Variants in MAX observed in about 807,000 individuals in gnomAD.
The protein encoded by MAX is MYC associated transcriptional regulator X, also known as protein max.
A neutral mutation model predicts 22.3 loss-of-function variants in MAX; 3 were observed. That is an observed-to-expected ratio of 0.13 (90% CI 0.06 to 0.35). The LOEUF (loss-of-function observed/expected upper bound fraction) is 0.35. Among genes scored for constraint, MAX ranks in the 10% least tolerant of loss-of-function variants. The pLI is 1.00. For missense variants in MAX, 119 were observed against 209.4 expected, an observed-to-expected ratio of 0.57 and a Z score of 2.66; for synonymous variants, 72 against 77.7, an observed-to-expected ratio of 0.93 and a Z score of 0.39.
intron 3 of MAX, among the ~76,000 whole-genome samples, chr14:65,018,835 G>T (rs1368812368): frequency 3.3e-5 from 5 of 149,890 alleles, no homozygotes; most frequent in African/African-American, 4.9e-5. Context: ...AAAAGGCCAG[G>T]CGCGGTGGCT....
intron 2 of MAX, among the ~76,000 whole-genome samples, chr14:65,095,543 T>G (rs1461318117): frequency 6.6e-6 from 1 of 152,226 alleles, no homozygotes; most frequent in Non-Finnish European, 1.5e-5. Context: ...CTTTTGAACT[T>G]ACTGTTGTTC....
chr14:65,098,867 A>C (rs2063745132), intron 2 of MAX, among the ~76,000 whole-genome samples: 1 of 152,158 alleles, frequency 6.6e-6, no homozygotes, highest in African/African-American at 2.4e-5. Context: ...CTCTCTTCTC[A>C]GTATCTTACA....
In MAX at chr14:65,019,620, C is replaced by G. The variant is rs538368251; in HGVS notation, c.172-13336G>C. Among the ~76,000 whole-genome samples, 7 of 152,318 alleles carry G rather than the reference C, an allele frequency of 4.6e-5. No individual in the cohort carries two copies. The East Asian group carries it at 1.3e-3, about 29-fold the overall frequency. On this transcript the variant is annotated intron_variant, in intron 3 of 3. Transcript: ENST00000341653. Reference sequence around the variant, plus strand: ...AGCTGATTTGTCCTTATTTCAAAAACCACTTGACAGTTAATGAGAGTTTCT... The same window carrying G: ...AGCTGATTTGTCCTTATTTCAAAAAGCACTTGACAGTTAATGAGAGTTTCT...
chr14:65,014,063 A>G lies in MAX; in HGVS notation c.172-7779T>C, dbSNP rs553214593. On this transcript the variant is annotated intron_variant, in intron 3 of 3. Transcript: ENST00000341653. The surrounding 1 kb of genome is among the most constrained non-coding windows in gnomAD (Gnocchi z 5.1). ...GGTGGTGGGTTAGCCACAGCTTGGG[A>G]TATCAGCATAGTTTTGAAGAGAGCA... Among the ~76,000 whole-genome samples the G allele has an allele frequency of 3.3e-5, 5 of 152,286 alleles. No individual in the cohort carries two copies. Among genetic ancestry groups the G allele is most frequent in the Admixed American group, 6.5e-5 (1 of 15,298 alleles).
At chr14:65,008,292 G>T (rs3783721) in intron 3 of MAX, among the ~76,000 whole-genome samples, 3 of 151,994 alleles carry the variant, frequency 2.0e-5, no homozygotes. Flanking sequence ...GCCCAGGTTT[G>T]GGGGGAGGAA....
rs1355696151 is a variant in MAX at position 65,009,186 on chromosome 14, C to A, written c.172-2902G>T. Among the ~76,000 whole-genome samples the A allele has an allele frequency of 1.3e-5, 2 of 152,104 alleles. No individual in the cohort carries two copies. Among genetic ancestry groups the A allele is most frequent in the African/African-American group, 4.8e-5 (2 of 41,380 alleles). On this transcript the variant is annotated intron_variant, in intron 3 of 3. Coordinates refer to the MAX transcript ENST00000341653. The surrounding 1 kb of genome is among the most constrained non-coding windows in gnomAD (Gnocchi z 4.2). ...TGAGGGTATTAGTCAGCTTGGGCTGCCATAAGACGGTATCACAGATGGGGT... is the reference window on the plus strand; with the variant it reads ...TGAGGGTATTAGTCAGCTTGGGCTGACATAAGACGGTATCACAGATGGGGT...
Position 65,044,468 on chromosome 14 carries a change from G to A in MAX, c.172-38184C>T. The A allele has an allele frequency of 6.3e-7, 1 of 1,582,102 alleles. No homozygotes were observed. Among genetic ancestry groups the A allele is most frequent in the Non-Finnish European group, 8.6e-7 (1 of 1,168,404 alleles). On this transcript the variant is annotated intron_variant, in intron 3 of 3. Transcript: ENST00000341653. This position sits in a 1 kb window ranked among gnomAD's most constrained non-coding sequence, Gnocchi z 5.5. ...GGTGAGCCTGGGGAGCTGTTCACTT[G>A]GGGCTGGATGATTTCCCTCCACTAC...
chr14:65,038,490 C>T (rs1055734518), intron 3 of MAX, among the ~76,000 whole-genome samples: 2 of 151,966 alleles, frequency 1.3e-5, no homozygotes, highest in African/African-American at 2.4e-5. Flanking sequence ...GAGGCCAAGG[C>T]AGGCAGATCA....
intron 3 of MAX, among the ~76,000 whole-genome samples, chr14:65,081,873 C>T (rs527814812): frequency 6.6e-6 from 1 of 152,098 alleles, no homozygotes; most frequent in Non-Finnish European, 1.5e-5. Flanking sequence ...TGTAAGCAAA[C>T]GCAAAGGGCT....
At chr14:65,056,282 A>C (rs1370305311) in intron 3 of MAX, among the ~76,000 whole-genome samples, 1 of 152,162 alleles carries the variant, frequency 6.6e-6, no homozygotes, top group Non-Finnish European at 1.5e-5. Context: ...CCCTTATATA[A>C]ATGTACCCCA....
At position 65,044,294 on chromosome 14, in the gene MAX, C is replaced by T. The variant is rs776268523; in HGVS notation, c.172-38010G>A. The T allele has an allele frequency of 3.7e-6, 6 of 1,611,974 alleles. No individual in the cohort carries two copies. In the Admixed American group the frequency reaches 1.0e-4, roughly 27 times the overall value. On this transcript the variant is annotated intron_variant, in intron 3 of 3. Coordinates refer to the MAX transcript ENST00000341653. This position sits in a 1 kb window ranked among gnomAD's most constrained non-coding sequence, Gnocchi z 5.5. ...TCTTTTAGCCTACAACTGCCTTTCC[C>T]ATCTGTGTCTCCTCAGCAATGGGTG...
chr14:65,044,193 G>A lies in MAX; in HGVS notation c.172-37909C>T. The A allele has an allele frequency of 6.4e-7, 1 of 1,555,280 alleles. No homozygotes were observed. On this transcript the variant is annotated intron_variant, in intron 3 of 3. Coordinates refer to the MAX transcript ENST00000341653. The surrounding 1 kb of genome is among the most constrained non-coding windows in gnomAD (Gnocchi z 5.5). Reference sequence around the variant, plus strand: ...AAAACCAGAGCACCAAAACTAGAGTGCCAAGAAGCCACAAGATGGGAAACC... The same window carrying A: ...AAAACCAGAGCACCAAAACTAGAGTACCAAGAAGCCACAAGATGGGAAACC...
intron 3 of MAX, chr14:65,061,645 C>T (rs143383452): frequency 6.0e-5 from 14 of 234,272 alleles, no homozygotes; most frequent in East Asian, 2.6e-4. Context: ...CTGAGTATTA[C>T]GGCATCCAGA....
chr14:65,008,186 TG>T (rs780110863), intron 3 of MAX, among the ~76,000 whole-genome samples: 2 of 152,230 alleles, frequency 1.3e-5, no homozygotes, highest in Non-Finnish European at 2.9e-5. Flanking sequence ...GAGAGGCCCC[TG>T]GCTTTAGTGA....
chr14:65,074,404 T>G (rs527914436), downstream of MAX, among the ~76,000 whole-genome samples: 4 of 152,210 alleles, frequency 2.6e-5, no homozygotes, highest in Admixed American at 2.6e-4. Context: ...CTGCCCCAGC[T>G]CCCATTAAAC....
Position 65,082,411 on chromosome 14 carries a change from A to T in MAX, c.172-4375T>A, listed in dbSNP as rs1045653184. 2.0e-5 allele frequency: 3 copies of T among 152,228 alleles called. No individual in the cohort carries two copies. The highest frequency in any genetic ancestry group is 4.8e-5 in the African/African-American group (2 of 41,456). 9.4% of individuals were successfully genotyped at this position (152,228 alleles called of 1,614,324 possible). A position where few individuals can be genotyped will look rare whatever the true frequency, so the allele number is the denominator to read the frequency against. On this transcript the variant is annotated intron_variant, in intron 3 of 4. Coordinates refer to ENST00000358664, the MANE Select transcript of MAX (RefSeq NM_002382.5). This position sits in a 1 kb window ranked among gnomAD's most constrained non-coding sequence, Gnocchi z 4.8. ...AATTGTCTCTGCACCGGTAACAGGC[A>T]TAAGAATTGAGTTGCAAGTGAGGCA...
rs1387259591 is a variant in MAX at position 65,029,527 on chromosome 14, C to T, written c.172-23243G>A. 1.3e-5 allele frequency among the ~76,000 whole-genome samples: 2 copies of T among 152,210 alleles called. No individual in the cohort carries two copies. Among genetic ancestry groups the T allele is most frequent in the African/African-American group, 2.4e-5 (1 of 41,448 alleles). On this transcript the variant is annotated intron_variant, in intron 3 of 3. Coordinates refer to the MAX transcript ENST00000341653. The surrounding 1 kb of genome is among the most constrained non-coding windows in gnomAD (Gnocchi z 4.7). ...CAGTGTATTGTAAAAAATCAAATCA[C>T]AGTGAACTCATAGCAAGCACTATTT...
Position 65,084,212 on chromosome 14 carries a change from G to C in MAX, c.172-6176C>G. On this transcript the variant is annotated intron_variant, in intron 3 of 4. Coordinates refer to ENST00000358664, the MANE Select transcript of MAX (RefSeq NM_002382.5). The surrounding 1 kb of genome is among the most constrained non-coding windows in gnomAD (Gnocchi z 4.3). ...TTGCATTCTTTTTTCTTGTGCACTT[G>C]GTAGCTTGAAATGAAGGTGTGGCAT... is the stretch of plus-strand genomic sequence containing the variant. The C allele has an allele frequency of 6.2e-7, 1 of 1,614,014 alleles. No homozygotes were observed. Among genetic ancestry groups the C allele is most frequent in the Non-Finnish European group, 8.5e-7 (1 of 1,179,978 alleles).
intron 3 of MAX, among the ~76,000 whole-genome samples, chr14:65,037,218 C>T (rs1479218501): frequency 2.0e-5 from 3 of 151,324 alleles, no homozygotes; most frequent in Non-Finnish European, 4.4e-5. Context: ...ATTCTCCTGC[C>T]TCAGCCTCCT....
Sources: gnomAD v4.1 joint callset for allele counts (sites outside exome capture counted in the v4.1 genomes callset) on GRCh38, gnomAD v4.1.1 for gene constraint, Gnocchi (gnomAD v3.1) non-coding constraint, MANE v1.5 for transcripts, NCBI Gene and HGNC (gene_info 2026-07-23, HGNC 2026-07-21) for gene names.